TFF2: variants seen among roughly 807,000 people sequenced by gnomAD.
TFF2 encodes spasmolysin.
Under a neutral mutation model 16.0 loss-of-function variants are expected in TFF2, and 19 were observed. That is an observed-to-expected ratio of 1.19 (90% CI 0.83 to 1.74). TFF2 has a LOEUF of 1.74. TFF2 is among the 40% of genes most tolerant of loss of function. TFF2 has a pLI of 0.00. For missense variants in TFF2, 168 were observed against 166.8 expected, an observed-to-expected ratio of 1.01 and a Z score of -0.04; for synonymous variants, 61 against 65.4, an observed-to-expected ratio of 0.93 and a Z score of 0.32.
chr21:42,347,772 G>T, intron 2 of TFF2, 140 bp from the exon 3 acceptor site: 2 of 1,150,830 alleles, frequency 1.7e-6, no homozygotes, highest in Non-Finnish European at 1.2e-6. Flanking sequence ...GCATCCCCCG[G>T]GACGGCCTCC....
intron 3 of TFF2, 28 bp downstream of exon 3, chr21:42,347,458 C>G: frequency 6.2e-7 from 1 of 1,613,792 alleles, no homozygotes; most frequent in Non-Finnish European, 8.5e-7. Flanking sequence ...GTCCGGGAAC[C>G]AGACAGAGAG....
At position 42,347,533 on chromosome 21, in the gene TFF2, T is replaced by C. The variant is rs765279524; in HGVS notation, c.329A>G (p.Asn110Ser). Residue 110 changes from asparagine (N) to serine (S), a missense_variant, in exon 3 of 4, where the codon AAC becomes AGC. Coordinates refer to ENST00000291526, the MANE Select transcript of TFF2 (RefSeq NM_005423.5). ...ECASRKCCFS[N>S]FIFEVPWCFF... is the part of the protein sequence containing the mutation. Reference sequence around the variant, plus strand: ...GCACCAGGGCACTTCAAAGATGAAGTTGGAGAAGCAGCACTTCCGAGAGGC... The same window carrying C: ...GCACCAGGGCACTTCAAAGATGAAGCTGGAGAAGCAGCACTTCCGAGAGGC... The C allele has an allele frequency of 2.0e-5, 33 of 1,614,028 alleles. No individual in the cohort carries two copies. Among genetic ancestry groups the C allele is most frequent in the Middle Eastern group, 1.6e-4 (1 of 6,084 alleles).
chr21:42,347,742 A>G, intron 2 of TFF2, 110 bp from the exon 3 acceptor site: 2 of 1,391,828 alleles, frequency 1.4e-6, no homozygotes, highest in Non-Finnish European at 1.9e-6. Context: ...TCCGTGGATC[A>G]TGAGGTGCTG....
chr21:42,347,986 C>T (rs1045597041), intron 2 of TFF2, among the ~76,000 whole-genome samples: 1 of 152,156 alleles, frequency 6.6e-6, no homozygotes, highest in Admixed American at 6.5e-5. Context: ...ATGGGGTGGT[C>T]CCCCGGGCCA....
At chr21:42,348,206 C>A (rs1179430790) in intron 2 of TFF2, among the ~76,000 whole-genome samples, 1 of 147,450 alleles carries the variant, frequency 6.8e-6, no homozygotes, top group Non-Finnish European at 1.5e-5. Context: ...CACACAGGTG[C>A]ACGACACACA....
At chr21:42,349,542 T>C (rs563923958) in intron 2 of TFF2, among the ~76,000 whole-genome samples, 24 of 123,880 alleles carry the variant, frequency 1.9e-4, no homozygotes, top group African/African-American at 6.3e-4. Context: ...CAACCTGGGC[T>C]ACTAGCCCCA....
In TFF2 at chr21:42,347,516, G is replaced by A; in HGVS notation, c.346C>T (p.Pro116Ser). The A allele has an allele frequency of 6.2e-7, 1 of 1,614,206 alleles. No individual in the cohort carries two copies. The highest frequency in any genetic ancestry group is 8.5e-7 in the Non-Finnish European group (1 of 1,180,028). The change falls in exon 3 of 4, where the codon CCC becomes TCC. Residue 116 changes from proline (P) to serine (S), a missense_variant. Transcript: ENST00000291526. ...ACAGACTTCGGGAAGAAGCACCAGG[G>A]CACTTCAAAGATGAAGTTGGAGAAG... ...CCFSNFIFEV[P>S]WCFFPKSVED...
intron 2 of TFF2, 139 bp from the exon 3 acceptor site, chr21:42,347,771 G>T: frequency 8.6e-7 from 1 of 1,156,884 alleles, no homozygotes. Flanking sequence ...AGCATCCCCC[G>T]GGACGGCCTC....
chr21:42,347,711 G>C (rs2052080626), intron 2 of TFF2, 79 bp from the exon 3 acceptor site: 3 of 1,541,150 alleles, frequency 1.9e-6, no homozygotes, highest in Admixed American at 1.9e-5. Context: ...CCTCCTCTGA[G>C]AGCAGCGCTG....
chr21:42,347,451 C>G, intron 3 of TFF2, 35 bp downstream of exon 3: 1 of 1,613,234 alleles, frequency 6.2e-7, no homozygotes, highest in Non-Finnish European at 8.5e-7. Flanking sequence ...TCATGGTGTC[C>G]GGGAACCAGA....
intron 1 of TFF2, chr21:42,350,321 G>A (rs1322441837): frequency 2.5e-6 from 1 of 402,342 alleles, no homozygotes; most frequent in South Asian, 8.6e-5. Context: ...GAGCTCAGGA[G>A]TTCAAGACCA....
intron 1 of TFF2, chr21:42,350,454 G>A (rs1478384608): frequency 1.1e-5 from 2 of 183,348 alleles, no homozygotes; most frequent in Admixed American, 5.9e-5. Flanking sequence ...GATCACTTGA[G>A]CCTGGGAGGC....
In TFF2 at chr21:42,346,628, A is replaced by T; in HGVS notation, c.377-82T>A. Reference sequence around the variant, plus strand: ...GGCTGCGAAGCTGGGGTGGGCGTGCATCACTTTGCCCAGGAGCTTCCTACT... The same window carrying T: ...GGCTGCGAAGCTGGGGTGGGCGTGCTTCACTTTGCCCAGGAGCTTCCTACT... On this transcript the variant is annotated intron_variant, in intron 3 of 3. Coordinates refer to ENST00000291526, the MANE Select transcript of TFF2 (RefSeq NM_005423.5). 7 of 1,458,488 alleles carry T rather than the reference A, an allele frequency of 4.8e-6. No individual in the cohort carries two copies. In the South Asian group the frequency reaches 9.3e-5, roughly 19 times the overall value. 90.3% of individuals were successfully genotyped at this position (1,458,488 alleles called of 1,614,324 possible). A position where few individuals can be genotyped will look rare whatever the true frequency, so the allele number is the denominator to read the frequency against.
Position 42,349,868 on chromosome 21 carries a change from C to T in TFF2, c.229+13G>A. 2 of 1,584,606 alleles carry T rather than the reference C, an allele frequency of 1.3e-6. No homozygotes were observed. The highest frequency in any genetic ancestry group is 1.7e-6 in the Non-Finnish European group (2 of 1,164,590). On this transcript the variant is annotated intron_variant, in intron 2 of 3. Transcript: ENST00000291526. Reference sequence around the variant, plus strand: ...GCCAGCTGCTGGCCCAGGAAGATTCCCTGGAAGATTACCTTGCTTTGGGAG... The same window carrying T: ...GCCAGCTGCTGGCCCAGGAAGATTCTCTGGAAGATTACCTTGCTTTGGGAG...
Position 42,349,444 on chromosome 21 carries a change from G to A in TFF2, c.229+437C>T, listed in dbSNP as rs147778452. On this transcript the variant is annotated intron_variant, in intron 2 of 3. Coordinates refer to ENST00000291526, the MANE Select transcript of TFF2 (RefSeq NM_005423.5). ...GCCCCAGACTAACCAACCTGGGCTA[G>A]CTCCAGACTAACCAACCTGGGCTAG... Among the ~76,000 whole-genome samples, 37 of 131,880 alleles carry A rather than the reference G, an allele frequency of 2.8e-4. 1 individual carries two copies. The East Asian group carries it at 9.3e-3, about 33-fold the overall frequency. 86.5% of individuals were successfully genotyped at this position (131,880 alleles called of 152,430 possible).
intron 2 of TFF2, among the ~76,000 whole-genome samples, chr21:42,348,526 T>A (rs1395704351): frequency 6.6e-6 from 1 of 152,050 alleles, no homozygotes; most frequent in African/African-American, 2.4e-5. Flanking sequence ...AGAAACAGGG[T>A]AGGTGGGAAA....
intron 1 of TFF2, 142 bp downstream of exon 1, chr21:42,350,737 G>A (rs2052110235): frequency 1.1e-6 from 1 of 880,316 alleles, no homozygotes; most frequent in Non-Finnish European, 1.7e-6. Context: ...CTCCTGAGCA[G>A]TGGCAAATCC....
At position 42,350,207 on chromosome 21, in the gene TFF2, G is replaced by A. The variant is rs1179686651; in HGVS notation, c.80-177C>T. 6.5e-6 allele frequency: 8 copies of A among 1,231,076 alleles called. No homozygotes were observed. The East Asian group carries it at 2.3e-4, about 35-fold the overall frequency. The allele number at this position is 1,231,076 out of a possible 1,614,324, so 76.3% of individuals were successfully genotyped here. A position where few individuals can be genotyped will look rare whatever the true frequency, so the allele number is the denominator to read the frequency against. Reference sequence around the variant, plus strand: ...CCTGAGAAGCCGATAGGGCTTTGCTGAAATTGTTATATTAGTTTAAAAGGA... The same window carrying A: ...CCTGAGAAGCCGATAGGGCTTTGCTAAAATTGTTATATTAGTTTAAAAGGA... On this transcript the variant is annotated intron_variant, in intron 1 of 3. Transcript: ENST00000291526.
rs1198444166 is a variant in TFF2, at chr21:42,347,777, GC to G, written c.230-146del. On this transcript the variant is annotated intron_variant, in intron 2 of 3. Coordinates refer to ENST00000291526, the MANE Select transcript of TFF2 (RefSeq NM_005423.5). ...GCCTGGGGCAGCATCCCCCGGGACG[GC>G]CTCCCCCGGGGACTGTGGAAGTGTC... is the stretch of plus-strand genomic sequence containing the variant. The G allele has an allele frequency of 4.6e-6, 5 of 1,087,480 alleles. No individual in the cohort carries two copies. In the African/African-American group the frequency reaches 8.0e-5, roughly 17 times the overall value. 67.4% of individuals were successfully genotyped at this position (1,087,480 alleles called of 1,614,324 possible). A position where few individuals can be genotyped will look rare whatever the true frequency, so the allele number is the denominator to read the frequency against.
Sources: gnomAD v4.1 joint callset for allele counts (sites outside exome capture counted in the v4.1 genomes callset) on GRCh38, gnomAD v4.1.1 for gene constraint, MANE v1.5 for transcripts, NCBI Gene and HGNC (gene_info 2026-07-23, HGNC 2026-07-21) for gene names.